USP34: variants seen among roughly 807,000 people sequenced by gnomAD.
USP34 encodes the protein ubiquitin carboxyl-terminal hydrolase 34.
USP34 carries 70 observed loss-of-function variants against 460.3 expected under a neutral mutation model. That is an observed-to-expected ratio of 0.15 (90% CI 0.13 to 0.19). USP34 has a LOEUF of 0.19. Ranked by LOEUF, USP34 falls within the 10% of genes least tolerant of loss-of-function variation. USP34 has a pLI of 1.00. For missense variants in USP34, 3,985 were observed against 4,236.2 expected, an observed-to-expected ratio of 0.94 and a Z score of 1.65; for synonymous variants, 1,647 against 1,405.3, an observed-to-expected ratio of 1.17 and a Z score of -3.85.
chr2:61,229,116 A>G (rs1687811778), intron 59 of USP34, 121 bp from the exon 60 acceptor site: 3 of 693,500 alleles, frequency 4.3e-6, no homozygotes, highest in East Asian at 2.9e-5. Context: ...ATGAACCGCA[A>G]TAACTTAAGT....
At chr2:61,342,295 C>G (rs1276398603) in intron 16 of USP34, among the ~76,000 whole-genome samples, 2 of 77,200 alleles carry the variant, frequency 2.6e-5, no homozygotes, top group South Asian at 6.2e-4. Flanking sequence ...CTGGCCGTTT[C>G]CTTTTTTTTT....
chr2:61,422,109 G>C (rs948719325), intron 1 of USP34, among the ~76,000 whole-genome samples: 22 of 152,206 alleles, frequency 1.4e-4, no homozygotes, highest in African/African-American at 5.1e-4. Flanking sequence ...CTGACCATCA[G>C]GGAGAAGACC....
chr2:61,382,840 TTGC>T (rs956935306), intron 6 of USP34, among the ~76,000 whole-genome samples: 2 of 152,212 alleles, frequency 1.3e-5, no homozygotes, highest in African/African-American at 4.8e-5. Context: ...CAAGCCACCT[TTGC>T]TGCTATTTAT....
chr2:61,408,109 T>C (rs775746794), intron 2 of USP34, among the ~76,000 whole-genome samples: 31 of 152,130 alleles, frequency 2.0e-4, no homozygotes, highest in Non-Finnish European at 2.8e-4. Flanking sequence ...AGCAAGATTC[T>C]GTCACAAAAA....
intron 1 of USP34, among the ~76,000 whole-genome samples, chr2:61,430,251 AAAATTAGCCAGGCGTGCTGGC>A (rs1414703628): frequency 2.0e-5 from 3 of 151,892 alleles, no homozygotes; most frequent in African/African-American, 7.2e-5. Flanking sequence ...AAAAAATACA[AAAATTAGCCAGGCGTGCTGGC>A]ACATGCCCAT....
intron 2 of USP34, among the ~76,000 whole-genome samples, chr2:61,415,218 T>C (rs1268047483): frequency 6.6e-6 from 1 of 152,002 alleles, no homozygotes; most frequent in African/African-American, 2.4e-5. Context: ...GAAGAGAAGG[T>C]AGTAACTCTA....
intron 75 of USP34, among the ~76,000 whole-genome samples, chr2:61,198,170 A>T (rs551089613): frequency 6.6e-6 from 1 of 152,340 alleles, no homozygotes; most frequent in African/African-American, 2.4e-5. Flanking sequence ...AGAAAATGAA[A>T]GCATTCTATA....
At chr2:61,379,611 G>A (rs180974323) in intron 7 of USP34, among the ~76,000 whole-genome samples, 29 of 152,326 alleles carry the variant, frequency 1.9e-4, no homozygotes, top group Admixed American at 5.2e-4. Flanking sequence ...TATTCATTCT[G>A]AGGGATAAAG....
intron 75 of USP34, among the ~76,000 whole-genome samples, chr2:61,198,435 T>C (rs1169752909): frequency 1.3e-5 from 2 of 152,176 alleles, no homozygotes; most frequent in African/African-American, 4.8e-5. Flanking sequence ...AAAATAAATA[T>C]CCTCTGTATA....
chr2:61,330,569 A>T (rs145850727), intron 20 of USP34, among the ~76,000 whole-genome samples: 184 of 152,316 alleles, frequency 1.2e-3, no homozygotes, highest in Non-Finnish European at 1.6e-3. Flanking sequence ...TGATTTTTTC[A>T]ATCACAGTGT....
chr2:61,214,840 T>C (rs1253694226), intron 67 of USP34, 146 bp from the exon 68 acceptor site: 9 of 955,900 alleles, frequency 9.4e-6, no homozygotes, highest in Non-Finnish European at 1.2e-5. Context: ...TCTTTCTGCT[T>C]TCCCCTTGGC....
intron 48 of USP34, among the ~76,000 whole-genome samples, chr2:61,250,830 A>G (rs6545849): frequency 0.015 from 2,311 of 152,312 alleles, 70 homozygotes; most frequent in African/African-American, 0.052. Context: ...ATCAATAGGC[A>G]AGTCAGAATG....
At chr2:61,212,963 C>G (rs1215987264) in intron 68 of USP34, among the ~76,000 whole-genome samples, 1 of 152,098 alleles carries the variant, frequency 6.6e-6, no homozygotes, top group African/African-American at 2.4e-5. Flanking sequence ...ATTTTGTATT[C>G]TTATGGCATT....
At chr2:61,334,928 T>C (rs764183233) in intron 18 of USP34, among the ~76,000 whole-genome samples, 1 of 152,182 alleles carries the variant, frequency 6.6e-6, no homozygotes, top group Non-Finnish European at 1.5e-5. Context: ...TTCCTAAGAT[T>C]ATCTAAAAAC....
chr2:61,459,128 C>T (rs1695523133), intron 1 of USP34, among the ~76,000 whole-genome samples: 1 of 152,076 alleles, frequency 6.6e-6, no homozygotes, highest in South Asian at 2.1e-4. Context: ...CTCCACAGTT[C>T]CTTTAATGGT....
At chr2:61,267,467 G>C (rs1403786495) in intron 41 of USP34, among the ~76,000 whole-genome samples, 2 of 148,418 alleles carry the variant, frequency 1.3e-5, no homozygotes, top group African/African-American at 5.0e-5. Context: ...TTTGGAGACA[G>C]AATCTCACTC....
At chr2:61,237,799 C>G (rs985937569) in intron 53 of USP34, among the ~76,000 whole-genome samples, 20 of 150,586 alleles carry the variant, frequency 1.3e-4, no homozygotes, top group Non-Finnish European at 2.1e-4. Context: ...TGGTCTTGAA[C>G]TCCTGGGGTC....
intron 41 of USP34, among the ~76,000 whole-genome samples, chr2:61,270,363 G>C (rs575039607): frequency 6.6e-6 from 1 of 152,310 alleles, no homozygotes; most frequent in African/African-American, 2.4e-5. Flanking sequence ...CCAGAGTTTT[G>C]ATCTTGTACT....
At chr2:61,267,315 C>A (rs4671402) in intron 41 of USP34, among the ~76,000 whole-genome samples, 82,429 of 151,984 alleles carry the variant, frequency 0.54, 23,296 homozygotes, top group African/African-American at 0.71. Context: ...GTACCAAAAA[C>A]AGAAATTTTT....
Sources: allele counts gnomAD v4.1 joint callset (sites outside exome capture counted in the v4.1 genomes callset), GRCh38; gene constraint gnomAD v4.1.1; transcripts MANE v1.5; gene names NCBI Gene and HGNC (gene_info 2026-07-23, HGNC 2026-07-21).